TRPM8: variants seen among roughly 807,000 people sequenced by gnomAD.
TRPM8 encodes the protein transient receptor potential cation channel subfamily M member 8.
TRPM8 carries 110 observed loss-of-function variants against 133.7 expected under a neutral mutation model. The observed-to-expected ratio is 0.82, with a 90% CI of 0.70 to 0.96. The LOEUF (loss-of-function observed/expected upper bound fraction) is 0.96. TRPM8 is among the 40% of genes least tolerant of loss of function. TRPM8 has a pLI of 0.00. For missense variants in TRPM8, 1,291 were observed against 1,379.5 expected, an observed-to-expected ratio of 0.94 and a Z score of 1.02; for synonymous variants, 535 against 532.3, an observed-to-expected ratio of 1.01 and a Z score of -0.07.
At chr2:233,975,291 T>C (rs75086810) in intron 17 of TRPM8, among the ~76,000 whole-genome samples, 1,866 of 152,290 alleles carry the variant, frequency 0.012, 39 homozygotes, top group African/African-American at 0.041. Context: ...ACTCAAGGGC[T>C]GTGTGCCCTG....
intron 3 of TRPM8, 58 bp from the exon 4 acceptor site, chr2:233,937,295 T>A: frequency 6.3e-7 from 1 of 1,594,902 alleles, no homozygotes; most frequent in Non-Finnish European, 8.6e-7. Context: ...CAATACCAGT[T>A]TCCATAAGCA....
At chr2:233,953,687 C>T (rs1691224122) in intron 9 of TRPM8, 1 of 400,372 alleles carries the variant, frequency 2.5e-6, no homozygotes, top group African/African-American at 2.0e-5. Flanking sequence ...ATGCACACAT[C>T]TCTAGTCAAA....
intron 21 of TRPM8, among the ~76,000 whole-genome samples, chr2:233,994,705 A>G (rs1692361213): frequency 6.6e-6 from 1 of 152,112 alleles, no homozygotes; most frequent in Non-Finnish European, 1.5e-5. Context: ...TTTTTGCTTA[A>G]GATATTTAAG....
intron 8 of TRPM8, chr2:233,947,512 A>G (rs556155986): frequency 7.6e-7 from 1 of 1,309,332 alleles, no homozygotes; most frequent in East Asian, 5.2e-5. Flanking sequence ...GATCATACAC[A>G]CACAGATTGC....
chr2:233,932,919 AC>A (rs1691709479), intron 3 of TRPM8, among the ~76,000 whole-genome samples: 1 of 149,084 alleles, frequency 6.7e-6, no homozygotes. Flanking sequence ...ACACTAGATG[AC>A]CTAAGCTGCC....
chr2:233,955,644 T>C (rs941834160), intron 11 of TRPM8, among the ~76,000 whole-genome samples: 2 of 152,112 alleles, frequency 1.3e-5, no homozygotes, highest in African/African-American at 4.8e-5. Flanking sequence ...GCACTCTTTT[T>C]GCTCCCTGCC....
At chr2:233,952,910 C>G (rs554146231) in intron 9 of TRPM8, among the ~76,000 whole-genome samples, 2 of 152,082 alleles carry the variant, frequency 1.3e-5, no homozygotes, top group Non-Finnish European at 2.9e-5. Flanking sequence ...AATTTTGGGA[C>G]CTTCACCCCT....
At position 234,017,467 on chromosome 2, in the gene TRPM8, A is replaced by G; in HGVS notation, c.*211A>G. The G allele has an allele frequency of 2.3e-6, 1 of 434,974 alleles. No homozygotes were observed. Among genetic ancestry groups the G allele is most frequent in the Non-Finnish European group, 4.7e-6 (1 of 212,552 alleles). The allele number at this position is 434,974 out of a possible 1,614,324, so 26.9% of individuals were successfully genotyped here. ...TTGAAGACGGATATAAAGGAAGAAT[A>G]TTTCCTTTATGTGTTTCTCCAGAAT... On this transcript the variant is annotated 3_prime_UTR_variant, in exon 26 of 26. Transcript: ENST00000324695.
At chr2:233,947,515 C>G in intron 8 of TRPM8, 1 of 1,307,426 alleles carries the variant, frequency 7.6e-7, no homozygotes. Context: ...CATACACACA[C>G]AGATTGCCCC....
Position 234,017,456 on chromosome 2 carries a change from A to C in TRPM8, c.*200A>C. On this transcript the variant is annotated 3_prime_UTR_variant, in exon 26 of 26. Transcript: ENST00000324695. ...TGGTTTCATACTTGAAGACGGATATAAAGGAAGAATATTTCCTTTATGTGT... is the reference window on the plus strand; with the variant it reads ...TGGTTTCATACTTGAAGACGGATATCAAGGAAGAATATTTCCTTTATGTGT... The C allele has an allele frequency of 2.2e-6, 1 of 448,728 alleles. No individual in the cohort carries two copies. The highest frequency in any genetic ancestry group is 4.6e-6 in the Non-Finnish European group (1 of 218,410). 27.8% of individuals were successfully genotyped at this position (448,728 alleles called of 1,614,324 possible).
intron 8 of TRPM8, chr2:233,947,576 G>C (rs1049620509): frequency 1.5e-6 from 2 of 1,291,504 alleles, no homozygotes; most frequent in African/African-American, 3.0e-5. Flanking sequence ...GCCACCTGGG[G>C]ATGCAGGTAT....
chr2:233,999,550 C>T (rs1219648011), intron 22 of TRPM8, among the ~76,000 whole-genome samples: 1 of 151,326 alleles, frequency 6.6e-6, no homozygotes, highest in Non-Finnish European at 1.5e-5. Context: ...GGCCACCTAC[C>T]ACTCTAGGCA....
In TRPM8 at chr2:233,955,629, C is replaced by T. The variant is rs143741742; in HGVS notation, c.1362+379C>T. Among the ~76,000 whole-genome samples, 937 of 152,144 alleles carry T rather than the reference C, an allele frequency of 6.2e-3. 4 individuals are homozygous for T. Among genetic ancestry groups the T allele is most frequent in the Non-Finnish European group, 0.011 (738 of 67,992 alleles). The stretch of plus-strand genomic sequence containing the variant: ...AAAGTAGCTCAACTATAAATCCAGA[C>T]GGCAGCACTCTTTTTGCTCCCTGCC... On this transcript the variant is annotated intron_variant, in intron 11 of 25. Transcript: ENST00000324695.
rs1384759046 is a variant in TRPM8 at position 233,963,155 on chromosome 2, T to C, written c.1654-127T>C. The C allele has an allele frequency of 9.6e-6, 5 of 523,178 alleles. No homozygotes were observed. In the East Asian group the frequency reaches 1.5e-4, roughly 16 times the overall value. The allele number at this position is 523,178 out of a possible 1,614,324, so 32.4% of individuals were successfully genotyped here. On this transcript the variant is annotated intron_variant, in intron 12 of 25. Transcript: ENST00000324695. ...GTTGCAGAGATGAAAATCCCATCAC[T>C]GTACTGTGAGAATGGAGTCATGCAC...
In TRPM8 at chr2:233,960,911, C is replaced by A. The variant is rs375855782; in HGVS notation, c.1498C>A (p.His500Asn). 5.6e-6 allele frequency: 9 copies of A among 1,614,064 alleles called. No homozygotes were observed. In the Admixed American group the frequency reaches 1.0e-4, roughly 18 times the overall value. Residue 500 changes from histidine to asparagine, a missense_variant, in exon 12 of 26, where the codon CAC (histidine) becomes AAC (asparagine). By Grantham distance (68) the His-to-Asn change is moderately conservative. Around this residue, in one of 2 missense-constraint regions of TRPM8, gnomAD observed 963 missense variants for 968.9 expected, o/e 0.99. Transcript: ENST00000324695. ...TGTCCTCACTGAACTCTTCTCCAAC[C>A]ACTTCAGCACGCTTGTGTACCGGAA... is the stretch of plus-strand genomic sequence containing the variant. Reference protein sequence around the residue: ...HDVLTELFSNHFSTLVYRNLQ... With the variant: ...HDVLTELFSNNFSTLVYRNLQ...
In TRPM8 at chr2:233,944,215, G is replaced by A. The variant is rs111590393; in HGVS notation, c.699+1467G>A. On this transcript the variant is annotated intron_variant, in intron 6 of 25. Coordinates refer to ENST00000324695, the MANE Select transcript of TRPM8 (RefSeq NM_024080.5). ...GATGCCCAACAGGAGATGGCAAAAT[G>A]ATTTCACATCAAATGCCAACTTCAG... is the stretch of plus-strand genomic sequence containing the variant. 7.2e-3 allele frequency among the ~76,000 whole-genome samples: 1,089 copies of A among 152,284 alleles called. 10 individuals carry two copies. Among genetic ancestry groups the A allele is most frequent in the African/African-American group, 0.023 (948 of 41,546 alleles).
intron 5 of TRPM8, among the ~76,000 whole-genome samples, chr2:233,940,247 G>A (rs1274956105): frequency 1.3e-5 from 2 of 150,950 alleles, no homozygotes; most frequent in African/African-American, 2.4e-5. Context: ...AATATTGACC[G>A]GTAGAACTAA....
chr2:234,006,535 A>G (rs1434839524), intron 22 of TRPM8, among the ~76,000 whole-genome samples: 1 of 152,252 alleles, frequency 6.6e-6, no homozygotes, highest in East Asian at 1.9e-4. Context: ...CACATATCAA[A>G]TGTGAGAACT....
At chr2:233,986,258 G>A (rs1482539367) in intron 21 of TRPM8, among the ~76,000 whole-genome samples, 1 of 152,158 alleles carries the variant, frequency 6.6e-6, no homozygotes, top group Non-Finnish European at 1.5e-5. Flanking sequence ...AGGATTACAG[G>A]ACTCAGACTT....
Sources: gnomAD v4.1 joint callset for allele counts (sites outside exome capture counted in the v4.1 genomes callset) on GRCh38, gnomAD v4.1.1 for gene constraint, gnomAD v4.1.1 regional missense constraint, MANE v1.5 for transcripts, NCBI Gene and HGNC (gene_info 2026-07-23, HGNC 2026-07-21) for gene names.